Variants in FSHR observed in about 807,000 individuals in gnomAD.
FSHR encodes the protein follicle stimulating hormone receptor, also known as follicle-stimulating hormone receptor.
A neutral mutation model predicts 52.1 loss-of-function variants in FSHR; 46 were observed. The ratio of observed to expected loss-of-function variants is 0.88; its 90% CI spans 0.70 to 1.13. FSHR has a LOEUF of 1.13. Among genes scored for constraint, FSHR ranks in the 50% most tolerant of loss-of-function variants. FSHR has a pLI of 0.00. For synonymous variants in FSHR, 399 were observed against 309.6 expected (o/e 1.29, Z -3.03); for missense variants, 964 against 834.6 (o/e 1.16, Z -1.91).
chr2:49,083,886 A>G (rs1156929429), intron 1 of FSHR, among the ~76,000 whole-genome samples: 1 of 150,942 alleles, frequency 6.6e-6, no homozygotes, highest in Non-Finnish European at 1.5e-5. Flanking sequence ...ACTCCCACAC[A>G]TTAATAATGG....
chr2:49,095,440 T>G (rs1670787266), intron 1 of FSHR, among the ~76,000 whole-genome samples: 1 of 152,120 alleles, frequency 6.6e-6, no homozygotes, highest in Non-Finnish European at 1.5e-5. Flanking sequence ...AGAAGGAAAT[T>G]GAATCCCTAC....
At chr2:49,023,474 T>C (rs770619864) in intron 2 of FSHR, among the ~76,000 whole-genome samples, 3 of 152,152 alleles carry the variant, frequency 2.0e-5, no homozygotes, top group Non-Finnish European at 4.4e-5. Flanking sequence ...GCAGGCAACA[T>C]GTCTAAGTCC....
At chr2:49,119,503 C>T (rs981220893) in intron 1 of FSHR, among the ~76,000 whole-genome samples, 1 of 151,920 alleles carries the variant, frequency 6.6e-6, no homozygotes, top group Non-Finnish European at 1.5e-5. Context: ...TTCAATTTAT[C>T]CAGCACCTGA....
At chr2:49,118,081 A>G (rs1032223631) in intron 1 of FSHR, among the ~76,000 whole-genome samples, 1 of 152,198 alleles carries the variant, frequency 6.6e-6, no homozygotes, top group Non-Finnish European at 1.5e-5. Flanking sequence ...GCTCTGAGGC[A>G]TCTCTTTGAA....
At chr2:49,026,154 A>G (rs1667904546) in intron 2 of FSHR, among the ~76,000 whole-genome samples, 1 of 152,212 alleles carries the variant, frequency 6.6e-6, no homozygotes. Context: ...TGAGACAGAG[A>G]TAAAAGTACC....
chr2:49,021,753 C>T (rs1212328868), intron 2 of FSHR, among the ~76,000 whole-genome samples: 1 of 147,054 alleles, frequency 6.8e-6, no homozygotes, highest in Non-Finnish European at 1.5e-5. Flanking sequence ...TCCATAATAA[C>T]ATCTTTCATG....
intron 2 of FSHR, among the ~76,000 whole-genome samples, chr2:49,041,436 T>G (rs1413931204): frequency 8.5e-5 from 13 of 152,194 alleles, no homozygotes; most frequent in Non-Finnish European, 1.5e-5. Context: ...TCATGAATTA[T>G]ACTAGAAAAT....
At chr2:49,014,920 A>G (rs1475819257) in intron 4 of FSHR, 1 of 470,430 alleles carries the variant, frequency 2.1e-6, no homozygotes, top group Non-Finnish European at 4.4e-6. Flanking sequence ...CCACTTTGGC[A>G]TTCTCCAAAA....
chr2:49,144,664 G>A (rs1672807134), intron 1 of FSHR, among the ~76,000 whole-genome samples: 2 of 151,952 alleles, frequency 1.3e-5, no homozygotes, highest in African/African-American at 4.8e-5. Flanking sequence ...GAGAAATGCT[G>A]CACTGCTTGC....
At chr2:49,078,165 C>T (rs1178480372) in intron 1 of FSHR, among the ~76,000 whole-genome samples, 1 of 152,196 alleles carries the variant, frequency 6.6e-6, no homozygotes, top group East Asian at 1.9e-4. Flanking sequence ...AATGGACTTA[C>T]AGTTCCATGT....
chr2:49,143,423 CA>C (rs565354895), intron 1 of FSHR, among the ~76,000 whole-genome samples: 196 of 152,108 alleles, frequency 1.3e-3, no homozygotes, highest in Non-Finnish European at 2.1e-3. Flanking sequence ...AATCACTGTA[CA>C]AAACATATGG....
chr2:49,066,056 A>G (rs1669491682), intron 2 of FSHR, among the ~76,000 whole-genome samples: 2 of 152,262 alleles, frequency 1.3e-5, no homozygotes, highest in South Asian at 4.1e-4. Flanking sequence ...GTGTTGAAGA[A>G]TTTTTGTCCA....
intron 2 of FSHR, among the ~76,000 whole-genome samples, chr2:49,058,906 A>T (rs1163179179): frequency 6.6e-6 from 1 of 152,222 alleles, no homozygotes; most frequent in Non-Finnish European, 1.5e-5. Flanking sequence ...CAATGCAATT[A>T]CTATCAAAAT....
chr2:49,026,519 A>G (rs917612485), intron 2 of FSHR, among the ~76,000 whole-genome samples: 2 of 152,248 alleles, frequency 1.3e-5, no homozygotes, highest in African/African-American at 4.8e-5. Flanking sequence ...AACAGCACAC[A>G]TAAGTCAAAG....
In FSHR at chr2:48,963,552, G is replaced by C. The variant is rs901580903; in HGVS notation, c.1269C>G (p.Ile423Met). Reference protein sequence around the residue: ...IYLLLIASVDIHTKSQYHNYA... With the variant: ...IYLLLIASVDMHTKSQYHNYA... ...AGTTGTGATATTGGCTCTTGGTATGGATATCAACTGATGCAATGAGCAGCA... is the reference window on the plus strand; with the variant it reads ...AGTTGTGATATTGGCTCTTGGTATGCATATCAACTGATGCAATGAGCAGCA... The change falls in exon 10 of 10, where the codon ATC (isoleucine) becomes ATG (methionine). Residue 423 changes from isoleucine to methionine, a missense_variant. Physicochemically the swap from Ile to Met is conservative, Grantham distance 10. Transcript: ENST00000406846. The C allele has an allele frequency of 1.9e-6, 3 of 1,614,196 alleles. No individual in the cohort carries two copies. The highest frequency in any genetic ancestry group is 3.3e-5 in the Admixed American group (2 of 60,024).
At chr2:49,109,668 T>C (rs1296622210) in intron 1 of FSHR, among the ~76,000 whole-genome samples, 1 of 152,142 alleles carries the variant, frequency 6.6e-6, no homozygotes, top group Non-Finnish European at 1.5e-5. Flanking sequence ...GCCATGGAAC[T>C]TTTCCTGCAT....
chr2:49,008,679 C>A (rs1202429340), intron 4 of FSHR, among the ~76,000 whole-genome samples: 1 of 142,298 alleles, frequency 7.0e-6, no homozygotes, highest in Non-Finnish European at 1.5e-5. Context: ...CACATCCTCT[C>A]CAGCACCTGT....
chr2:49,091,877 T>C, intron 1 of FSHR, among the ~76,000 whole-genome samples: 1 of 152,348 alleles, frequency 6.6e-6, no homozygotes, highest in Non-Finnish European at 1.5e-5. Flanking sequence ...TACCTTTTCA[T>C]ATAAATTTTA....
In FSHR at chr2:49,116,472, T is replaced by C. The variant is rs192780453; in HGVS notation, c.152+37794A>G. On this transcript the variant is annotated intron_variant, in intron 1 of 9. Coordinates refer to ENST00000406846, the MANE Select transcript of FSHR (RefSeq NM_000145.4). ...TGTAAGCTATGTGTTCTCTGAACCT[T>C]AGTTTTCTCCCCTGTAAAATGAGAA... Among the ~76,000 whole-genome samples the C allele has an allele frequency of 7.7e-3, 1,174 of 152,304 alleles. 11 individuals are homozygous for C. Among genetic ancestry groups the C allele is most frequent in the African/African-American group, 0.026 (1,088 of 41,560 alleles).
Sources: gnomAD v4.1 joint callset for allele counts (sites outside exome capture counted in the v4.1 genomes callset) on GRCh38, gnomAD v4.1.1 for gene constraint, MANE v1.5 for transcripts, NCBI Gene and HGNC (gene_info 2026-07-23, HGNC 2026-07-21) for gene names.